Variants in MCPH1 observed in about 807,000 individuals in gnomAD.
The protein encoded by MCPH1 is microcephalin.
MCPH1 carries 104 observed loss-of-function variants against 84.5 expected under a neutral mutation model. That is an observed-to-expected ratio of 1.23 (90% CI 1.05 to 1.45). The LOEUF (loss-of-function observed/expected upper bound fraction) is 1.45. MCPH1 is among the 40% of genes most tolerant of loss of function. The pLI is 0.00. For missense variants in MCPH1, 1,498 were observed against 1,005.7 expected (o/e 1.49, Z -6.62); for synonymous variants, 514 against 366.8 (o/e 1.40, Z -4.58).
At chr8:6,432,022 A>T (rs1370843437) in intron 4 of MCPH1, among the ~76,000 whole-genome samples, 1 of 152,240 alleles carries the variant, frequency 6.6e-6, no homozygotes, top group African/African-American at 2.4e-5. Context: ...TTCATTATCC[A>T]CAGAGGATCA....
chr8:6,567,171 T>A lies in MCPH1; in HGVS notation c.2215-54283T>A, dbSNP rs1276152636. The stretch of plus-strand genomic sequence containing the variant: ...CATGGATAGTGCCCGTGGCGTGGTG[T>A]CCATGTATGATCAGCAAGGCCATGG... On this transcript the variant is annotated intron_variant, in intron 12 of 13. Transcript: ENST00000344683. Among the ~76,000 whole-genome samples, 12 of 25,226 alleles carry A rather than the reference T, an allele frequency of 4.8e-4. 1 individual carries two copies. Among genetic ancestry groups the A allele is most frequent in the Admixed American group, 1.6e-3 (3 of 1,900 alleles). 16.5% of individuals were successfully genotyped at this position (25,226 alleles called of 152,430 possible). A position where few individuals can be genotyped will look rare whatever the true frequency, so the allele number is the denominator to read the frequency against.
chr8:6,583,625 G>A (rs1369089723), intron 12 of MCPH1, among the ~76,000 whole-genome samples: 1 of 152,202 alleles, frequency 6.6e-6, no homozygotes, highest in Admixed American at 6.5e-5. Context: ...GTGCCCAAGG[G>A]AGGAGCTGGC....
chr8:6,518,040 A>G (rs1391715560), intron 12 of MCPH1, among the ~76,000 whole-genome samples: 5 of 151,994 alleles, frequency 3.3e-5, no homozygotes, highest in African/African-American at 9.7e-5. Context: ...CCAGAGTACT[A>G]TATATTTTCA....
chr8:6,430,056 C>G (rs1801617251), intron 3 of MCPH1, among the ~76,000 whole-genome samples: 1 of 152,206 alleles, frequency 6.6e-6, no homozygotes, highest in Non-Finnish European at 1.5e-5. Context: ...TGAGTCTATG[C>G]TCTGCTTCCA....
intron 9 of MCPH1, among the ~76,000 whole-genome samples, chr8:6,466,050 G>T (rs1379420717): frequency 6.6e-6 from 1 of 151,180 alleles, no homozygotes; most frequent in Non-Finnish European, 1.5e-5. Context: ...TGCCTCCCCA[G>T]TTCAAGTGAT....
rs569847403 is a variant in MCPH1 at position 6,409,154 on chromosome 8, G to A, written c.23-125G>A. 5.2e-5 allele frequency: 42 copies of A among 801,022 alleles called. No homozygotes were observed. The African/African-American group carries it at 6.0e-4, about 11-fold the overall frequency. 49.6% of individuals were successfully genotyped at this position (801,022 alleles called of 1,614,324 possible). A position where few individuals can be genotyped will look rare whatever the true frequency, so the allele number is the denominator to read the frequency against. ...ACCCACTTCCGCCTCCCACAGTGCT[G>A]GGATTACAGGCGTGAGCCACTGTGC... On this transcript the variant is annotated intron_variant, in intron 1 of 13. Coordinates refer to ENST00000344683, the MANE Select transcript of MCPH1 (RefSeq NM_024596.5).
chr8:6,637,752 C>T (rs1797662376), intron 13 of MCPH1, among the ~76,000 whole-genome samples: 1 of 152,098 alleles, frequency 6.6e-6, no homozygotes, highest in South Asian at 2.1e-4. Context: ...CTCGGCCTCT[C>T]AAAGTGCTGA....
In MCPH1 at chr8:6,480,698, T is replaced by C. The variant is rs769272164; in HGVS notation, c.1974-16T>C. 2.5e-6 allele frequency: 4 copies of C among 1,613,988 alleles called. No individual in the cohort carries two copies. Among genetic ancestry groups the C allele is most frequent in the Admixed American group, 3.3e-5 (2 of 60,006 alleles). On this transcript the variant is annotated splice_polypyrimidine_tract_variant and intron_variant, in intron 10 of 13. Coordinates refer to ENST00000344683, the MANE Select transcript of MCPH1 (RefSeq NM_024596.5). The stretch of plus-strand genomic sequence containing the variant: ...CAAAGTCATTCATTTTGTTAATTTT[T>C]CCCCCGATTTGACAGAAAGCAGAAT...
intron 12 of MCPH1, among the ~76,000 whole-genome samples, chr8:6,517,061 A>T (rs531342904): frequency 6.6e-6 from 1 of 152,240 alleles, no homozygotes; most frequent in Admixed American, 6.5e-5. Context: ...TAATTGGACT[A>T]TAAAACTTGC....
intron 12 of MCPH1, among the ~76,000 whole-genome samples, chr8:6,577,875 C>T (rs1452792940): frequency 1.3e-5 from 2 of 152,186 alleles, no homozygotes; most frequent in African/African-American, 4.8e-5. Flanking sequence ...TGAATTAATC[C>T]AGAATTTATG....
intron 12 of MCPH1, among the ~76,000 whole-genome samples, chr8:6,537,954 A>T (rs1430604158): frequency 6.6e-6 from 1 of 152,142 alleles, no homozygotes; most frequent in African/African-American, 2.4e-5. Flanking sequence ...TGAGTGACCT[A>T]AGGTGGACAA....
At position 6,612,865 on chromosome 8, in the gene MCPH1, G is replaced by T. The variant is rs542340024; in HGVS notation, c.2215-8589G>T. ...GAGCGTGTGAGTTTAGTGGGCGTGC[G>T]CCACTCTTTCAAGAAGTTTTGTTAC... On this transcript the variant is annotated intron_variant, in intron 12 of 13. Transcript: ENST00000344683. Among the ~76,000 whole-genome samples, 4 of 152,352 alleles carry T rather than the reference G, an allele frequency of 2.6e-5. No individual in the cohort carries two copies. In the South Asian group the frequency reaches 8.3e-4, roughly 32 times the overall value.
At chr8:6,626,928 A>AAGAC in intron 13 of MCPH1, 1 of 985,318 alleles carries the variant, frequency 1.0e-6, no homozygotes, top group Non-Finnish European at 1.2e-6. Flanking sequence ...TTCAAGTGAT[A>AAGAC]AGACATACAT....
intron 12 of MCPH1, among the ~76,000 whole-genome samples, chr8:6,574,936 T>G (rs1392484889): frequency 6.6e-6 from 1 of 151,926 alleles, no homozygotes; most frequent in Non-Finnish European, 1.5e-5. Flanking sequence ...CGGCAAAAAA[T>G]GACAAACAGG....
chr8:6,578,016 G>T (rs185490893), intron 12 of MCPH1, among the ~76,000 whole-genome samples: 13 of 152,328 alleles, frequency 8.5e-5, no homozygotes, highest in Admixed American at 8.5e-4. Flanking sequence ...TGAATTTGAA[G>T]CGAGGAGTTT....
chr8:6,536,964 T>G, intron 12 of MCPH1, among the ~76,000 whole-genome samples: 1 of 142,924 alleles, frequency 7.0e-6, no homozygotes, highest in African/African-American at 2.7e-5. Context: ...AAGGAAGTCT[T>G]AGTACAAGAA....
At chr8:6,594,144 T>G (rs935637343) in intron 12 of MCPH1, among the ~76,000 whole-genome samples, 3 of 152,244 alleles carry the variant, frequency 2.0e-5, no homozygotes, top group Non-Finnish European at 4.4e-5. Flanking sequence ...GGGGTGTGGC[T>G]GCAGGGCCTA....
At chr8:6,479,700 T>C (rs971955871) in intron 10 of MCPH1, among the ~76,000 whole-genome samples, 6 of 152,126 alleles carry the variant, frequency 3.9e-5, no homozygotes, top group African/African-American at 1.4e-4. Context: ...TTAAATTTTC[T>C]GGGAGAGAGA....
intron 12 of MCPH1, among the ~76,000 whole-genome samples, chr8:6,602,842 T>G (rs1013165083): frequency 1.3e-5 from 2 of 152,080 alleles, no homozygotes; most frequent in African/African-American, 2.4e-5. Context: ...TTTATTTCAT[T>G]TTGGCTATTT....
Sources: gnomAD v4.1 joint callset for allele counts (sites outside exome capture counted in the v4.1 genomes callset) on GRCh38, gnomAD v4.1.1 for gene constraint, MANE v1.5 for transcripts, NCBI Gene and HGNC (gene_info 2026-07-23, HGNC 2026-07-21) for gene names.